Variants in TRIM5 observed in about 807,000 individuals in gnomAD.
TRIM5 encodes tripartite motif-containing protein 5.
Under a neutral mutation model 35.6 loss-of-function variants are expected in TRIM5, and 31 were observed. The ratio of observed to expected loss-of-function variants is 0.87; its 90% CI spans 0.65 to 1.18. TRIM5 has a LOEUF of 1.18. Among genes scored for constraint, TRIM5 ranks in the 50% most tolerant of loss-of-function variants. The pLI is 0.00. For synonymous variants in TRIM5, 243 were observed against 215.6 expected (o/e 1.13, Z -1.11); for missense variants, 609 against 591.6 (o/e 1.03, Z -0.31).
At chr11:5,597,540 A>T in the TRIM5 span, among the ~76,000 whole-genome samples, 4,266 of 151,556 alleles carry the variant, frequency 0.028, 84 homozygotes, top group South Asian at 0.098. Flanking sequence ...ACACAAAGAT[A>T]AAAAAAAATG....
At chr11:5,683,213 G>A (rs933555068) in intron 1 of TRIM5, among the ~76,000 whole-genome samples, 23 of 152,186 alleles carry the variant, frequency 1.5e-4, no homozygotes, top group Non-Finnish European at 3.2e-4. Flanking sequence ...TGTGCTGCGC[G>A]AGCGTCCCTG....
chr11:5,674,449 C>G (rs1851788680), intron 4 of TRIM5, among the ~76,000 whole-genome samples: 2 of 152,220 alleles, frequency 1.3e-5, no homozygotes, highest in African/African-American at 4.8e-5. Flanking sequence ...TCTTACAACT[C>G]TAGGCAGCAT....
the TRIM5 span, chr11:5,610,074 G>C: frequency 4.6e-6 from 7 of 1,518,026 alleles, no homozygotes; most frequent in Non-Finnish European, 5.5e-6. Flanking sequence ...AGGCTTGGGA[G>C]GTAAGGGAGA....
At chr11:5,634,520 C>A in the TRIM5 span, 2 of 636,304 alleles carry the variant, frequency 3.1e-6, no homozygotes, top group East Asian at 3.2e-5. Context: ...CACACACACA[C>A]ACACACACAC....
the TRIM5 span, chr11:5,590,193 TC>T: frequency 6.2e-6 from 1 of 160,850 alleles, no homozygotes; most frequent in African/African-American, 2.4e-5. Context: ...GGCTGGAGCC[TC>T]CCCAACGAGT....
intron 4 of TRIM5, among the ~76,000 whole-genome samples, chr11:5,669,238 C>A (rs1331368644): frequency 1.3e-5 from 2 of 152,082 alleles, no homozygotes; most frequent in Non-Finnish European, 2.9e-5. Context: ...CGCCACCACG[C>A]CTGGCTAATT....
At chr11:5,675,662 C>CT (rs71053292) in intron 4 of TRIM5, among the ~76,000 whole-genome samples, 226 of 141,766 alleles carry the variant, frequency 1.6e-3, no homozygotes, top group African/African-American at 4.1e-3. Context: ...TCTTGCATTT[C>CT]TTTTTTTTTT....
rs940380409 is a variant in TRIM5 at position 5,665,448 on chromosome 11, A to G, written c.896-53T>C. 4.5e-6 allele frequency: 7 copies of G among 1,547,046 alleles called. No individual in the cohort carries two copies. The African/African-American group carries it at 9.7e-5, about 21-fold the overall frequency. On this transcript the variant is annotated intron_variant, in intron 7 of 7. Coordinates refer to ENST00000380034, the MANE Select transcript of TRIM5 (RefSeq NM_033034.3). ...GGGATATAATGTAACTTTATTTGTG[A>G]TATGAGAGAAATCTTGATAAAGACT...
At chr11:5,598,358 C>A in the TRIM5 span, among the ~76,000 whole-genome samples, 1 of 152,112 alleles carries the variant, frequency 6.6e-6, no homozygotes, top group Admixed American at 6.6e-5. Context: ...TCAACTCTTA[C>A]AAATCTTTTT....
At chr11:5,594,142 G>A in the TRIM5 span, among the ~76,000 whole-genome samples, 7 of 152,070 alleles carry the variant, frequency 4.6e-5, no homozygotes, top group Admixed American at 1.3e-4. Context: ...CTAACTTTTC[G>A]AGACCCCTTG....
the TRIM5 span, among the ~76,000 whole-genome samples, chr11:5,657,872 T>C: frequency 5.3e-5 from 8 of 150,990 alleles, no homozygotes; most frequent in African/African-American, 2.0e-4. Flanking sequence ...AGCCTCGGCC[T>C]CCCAAAGTGC....
intron 4 of TRIM5, among the ~76,000 whole-genome samples, chr11:5,669,044 A>T (rs1851356851): frequency 6.6e-6 from 1 of 151,200 alleles, no homozygotes; most frequent in Non-Finnish European, 1.5e-5. Context: ...ATTTACTCTG[A>T]ACTCTAGTCT....
At chr11:5,660,208 C>T (rs1024909048), downstream of TRIM5, among the ~76,000 whole-genome samples, 4 of 152,210 alleles carry the variant, frequency 2.6e-5, no homozygotes, top group Non-Finnish European at 4.4e-5. Flanking sequence ...AAATCCTGAT[C>T]TTGTGATCTG....
chr11:5,641,210 G>A, the TRIM5 span: 65 of 1,613,882 alleles, frequency 4.0e-5, no homozygotes, highest in East Asian at 1.3e-3. Context: ...GTGGCCAGGA[G>A]TGGTGCTTGT....
chr11:5,603,224 T>C, the TRIM5 span: 1 of 1,603,060 alleles, frequency 6.2e-7, no homozygotes, highest in East Asian at 2.2e-5. Flanking sequence ...CTGATCCTTT[T>C]TTTGTTTGTT....
chr11:5,645,730 G>T, the TRIM5 span: 3 of 189,222 alleles, frequency 1.6e-5, no homozygotes, highest in Non-Finnish European at 3.2e-5. Flanking sequence ...ATTTGATGAG[G>T]GTCAAGTCTA....
At chr11:5,661,613 G>A (rs1370091112), downstream of TRIM5, among the ~76,000 whole-genome samples, 1 of 152,108 alleles carries the variant, frequency 6.6e-6, no homozygotes, top group Non-Finnish European at 1.5e-5. Context: ...AATAGAAGAC[G>A]ACATAATTGT....
chr11:5,652,818 T>G, the TRIM5 span, among the ~76,000 whole-genome samples: 4 of 152,090 alleles, frequency 2.6e-5, no homozygotes, highest in Non-Finnish European at 4.4e-5. Context: ...TTTTTCCATT[T>G]GTTTGTGTTA....
chr11:5,622,282 A>G, the TRIM5 span, among the ~76,000 whole-genome samples: 2 of 152,048 alleles, frequency 1.3e-5, no homozygotes, highest in African/African-American at 4.8e-5. Flanking sequence ...TGCCTCTATT[A>G]AAAATACAAA....
Sources: gnomAD v4.1 joint callset for allele counts (sites outside exome capture counted in the v4.1 genomes callset) on GRCh38, gnomAD v4.1.1 for gene constraint, MANE v1.5 for transcripts, NCBI Gene and HGNC (gene_info 2026-07-23, HGNC 2026-07-21) for gene names.